Variants in SKAP1 observed in about 807,000 individuals in gnomAD.
The protein encoded by SKAP1 is src kinase associated phosphoprotein 1.
In SKAP1, 44 loss-of-function variants were observed where a neutral mutation model predicts 58.5. The observed-to-expected ratio is 0.75, with a 90% CI of 0.59 to 0.97. The LOEUF (loss-of-function observed/expected upper bound fraction) is 0.97, where lower values mean the gene tolerates loss of function less well. SKAP1 is among the 50% of genes least tolerant of loss of function. SKAP1 has a pLI of 0.00. For synonymous variants in SKAP1, 127 were observed against 149.7 expected, an observed-to-expected ratio of 0.85 and a Z score of 1.11; for missense variants, 390 against 435.2, an observed-to-expected ratio of 0.90 and a Z score of 0.92.
intron 4 of SKAP1, among the ~76,000 whole-genome samples, chr17:48,213,872 C>T (rs1365059455): frequency 6.6e-6 from 1 of 152,214 alleles, no homozygotes; most frequent in Non-Finnish European, 1.5e-5. Context: ...TTTTATCCCT[C>T]TGTGAACAAA....
At chr17:48,193,813 A>G (rs770652595) in intron 4 of SKAP1, 1 of 749,480 alleles carries the variant, frequency 1.3e-6, no homozygotes, top group African/African-American at 1.9e-5. Flanking sequence ...TACTTAATGC[A>G]TAATAGAAAG....
intron 4 of SKAP1, among the ~76,000 whole-genome samples, chr17:48,251,361 T>C (rs1490836523): frequency 6.6e-6 from 1 of 152,244 alleles, no homozygotes; most frequent in African/African-American, 2.4e-5. Context: ...TATTCTACAT[T>C]CTTTTCATTT....
chr17:48,140,912 GAGTAGC>G (rs2063759533), intron 11 of SKAP1, among the ~76,000 whole-genome samples: 1 of 151,420 alleles, frequency 6.6e-6, no homozygotes, highest in African/African-American at 2.4e-5. Context: ...TCAGCCTCCC[GAGTAGC>G]TAGGACTACA....
At chr17:48,421,983 C>T (rs1415873801) in intron 1 of SKAP1, among the ~76,000 whole-genome samples, 11 of 152,174 alleles carry the variant, frequency 7.2e-5, no homozygotes, top group African/African-American at 1.9e-4. Context: ...GAGGCTGAGG[C>T]GGGCAGATCA....
At chr17:48,222,399 T>A (rs1269000199) in intron 4 of SKAP1, among the ~76,000 whole-genome samples, 1 of 152,152 alleles carries the variant, frequency 6.6e-6, no homozygotes, top group Non-Finnish European at 1.5e-5. Context: ...GACTTGGGTT[T>A]TTTTGTTTGT....
At chr17:48,441,831 T>C in the SKAP1 span, among the ~76,000 whole-genome samples, 1 of 152,210 alleles carries the variant, frequency 6.6e-6, no homozygotes, top group South Asian at 2.1e-4. Context: ...GTCTTTCCTT[T>C]TTATTAAAGG....
intron 1 of SKAP1, among the ~76,000 whole-genome samples, chr17:48,427,087 C>A (rs2067862349): frequency 6.6e-6 from 1 of 152,070 alleles, no homozygotes; most frequent in Non-Finnish European, 1.5e-5. Flanking sequence ...AATTAATAAC[C>A]TCCCCTCCTC....
chr17:48,203,766 A>C (rs2064759196), intron 4 of SKAP1: 1 of 152,196 alleles, frequency 6.6e-6, no homozygotes, highest in Non-Finnish European at 1.5e-5. Flanking sequence ...TTTTCAAGGA[A>C]AAAAAGAACT....
At chr17:48,426,605 CA>C (rs1190895529) in intron 1 of SKAP1, among the ~76,000 whole-genome samples, 2 of 152,176 alleles carry the variant, frequency 1.3e-5, no homozygotes, top group Non-Finnish European at 2.9e-5. Context: ...AGAACAAAAA[CA>C]AAAAGATAAC....
At chr17:48,297,332 C>T (rs755876375) in intron 4 of SKAP1, among the ~76,000 whole-genome samples, 6 of 152,002 alleles carry the variant, frequency 3.9e-5, no homozygotes, top group East Asian at 1.9e-4. Flanking sequence ...TTTGTAGATA[C>T]GGGTAAATAT....
intron 4 of SKAP1, among the ~76,000 whole-genome samples, chr17:48,342,786 C>T (rs552124439): frequency 6.6e-6 from 1 of 152,238 alleles, no homozygotes; most frequent in South Asian, 2.1e-4. Flanking sequence ...GAGATCGAGA[C>T]CATCCTGGCT....
At chr17:48,236,461 C>G (rs1479165439) in intron 4 of SKAP1, among the ~76,000 whole-genome samples, 1 of 152,050 alleles carries the variant, frequency 6.6e-6, no homozygotes, top group Non-Finnish European at 1.5e-5. Flanking sequence ...ATAAATATTC[C>G]TTGTATTAAT....
chr17:48,339,202 G>A (rs2066614952), intron 4 of SKAP1, among the ~76,000 whole-genome samples: 1 of 152,176 alleles, frequency 6.6e-6, no homozygotes, highest in South Asian at 2.1e-4. Flanking sequence ...TTTGACAGGA[G>A]TCATGTGCCT....
intron 4 of SKAP1, among the ~76,000 whole-genome samples, chr17:48,223,441 A>T (rs995657453): frequency 1.3e-5 from 2 of 152,126 alleles, no homozygotes; most frequent in Non-Finnish European, 2.9e-5. Context: ...TATATTCTGG[A>T]TACTTTCCTA....
At chr17:48,355,522 C>T (rs1487041618) in intron 3 of SKAP1, among the ~76,000 whole-genome samples, 4 of 152,202 alleles carry the variant, frequency 2.6e-5, no homozygotes, top group African/African-American at 9.6e-5. Context: ...AAGCAATCAG[C>T]CTCCCTCGGC....
At chr17:48,264,542 C>G (rs1466978331) in intron 4 of SKAP1, among the ~76,000 whole-genome samples, 1 of 152,100 alleles carries the variant, frequency 6.6e-6, no homozygotes, top group African/African-American at 2.4e-5. Flanking sequence ...TTTCAGACAA[C>G]CTATTAATCC....
chr17:48,197,622 G>A lies in SKAP1; in HGVS notation c.281-8122C>T, dbSNP rs2064655982. The stretch of plus-strand genomic sequence containing the variant: ...GAGGATTGCTTGAGCCTGGGAGGCA[G>A]AGGTTGCAGTGAGCTGAGAGTGCAC... On this transcript the variant is annotated intron_variant, in intron 4 of 12. Transcript: ENST00000336915. Among the ~76,000 whole-genome samples the A allele has an allele frequency of 2.0e-5, 3 of 152,200 alleles. No individual in the cohort carries two copies. In the South Asian group the frequency reaches 6.2e-4, roughly 32 times the overall value.
At position 48,253,723 on chromosome 17, in the gene SKAP1, C is replaced by G. The variant is rs1032871520; in HGVS notation, c.281-64223G>C. 6.7e-5 allele frequency among the ~76,000 whole-genome samples: 8 copies of G among 119,968 alleles called. No homozygotes were observed. The East Asian group carries it at 1.5e-3, about 22-fold the overall frequency. 78.7% of individuals were successfully genotyped at this position (119,968 alleles called of 152,430 possible). On this transcript the variant is annotated intron_variant, in intron 4 of 12. Transcript: ENST00000336915. ...AGAGCCAATGCCACCTCATGCCTTC[C>G]TTATCTCTCTCTGAGAGATCAAGAG...
At chr17:48,290,917 G>A (rs140994798) in intron 4 of SKAP1, among the ~76,000 whole-genome samples, 1 of 152,140 alleles carries the variant, frequency 6.6e-6, no homozygotes, top group South Asian at 2.1e-4. Flanking sequence ...AAGGCAGGAG[G>A]GTCGCTTGAG....
Sources: gnomAD v4.1 joint callset for allele counts (sites outside exome capture counted in the v4.1 genomes callset) on GRCh38, gnomAD v4.1.1 for gene constraint, MANE v1.5 for transcripts, NCBI Gene and HGNC (gene_info 2026-07-23, HGNC 2026-07-21) for gene names.